DTHD1: variants seen among roughly 807,000 people sequenced by gnomAD.
DTHD1 encodes death domain containing 1.
DTHD1 carries 59 observed loss-of-function variants against 74.8 expected under a neutral mutation model. The observed-to-expected ratio is 0.79, with a 90% CI of 0.64 to 0.98. The LOEUF (loss-of-function observed/expected upper bound fraction) is 0.98, where lower values mean the gene tolerates loss of function less well. DTHD1 is among the 50% of genes least tolerant of loss of function. The pLI is 0.00. For synonymous variants in DTHD1, 365 were observed against 371.1 expected (o/e 0.98, Z 0.19); for missense variants, 1,051 against 1,065.4 (o/e 0.99, Z 0.19).
chr4:36,288,525 G>T (rs746278972), intron 2 of DTHD1, among the ~76,000 whole-genome samples: 18 of 152,262 alleles, frequency 1.2e-4, no homozygotes, highest in Non-Finnish European at 1.9e-4. Context: ...TTCCACATGT[G>T]GCTTGCCAAT....
chr4:36,288,875 C>T (rs1755884632), intron 2 of DTHD1, among the ~76,000 whole-genome samples: 1 of 152,166 alleles, frequency 6.6e-6, no homozygotes, highest in Non-Finnish European at 1.5e-5. Context: ...TTATACAACG[C>T]TGGGTCACTG....
rs757663144 is a variant in DTHD1, at chr4:36,314,768, TTTG to T, written c.2096-1473_2096-1471del. On this transcript the variant is annotated intron_variant, in intron 7 of 9. Coordinates refer to ENST00000639862, the MANE Select transcript of DTHD1 (RefSeq NM_001170700.3). ...CTGAGTTTTTTTTTTTTTTTTTTTT[TTTG>T]CATGCAAATTCCAAATAGTGGAAGA... Among the ~76,000 whole-genome samples, 334 of 91,070 alleles carry T rather than the reference TTTG, an allele frequency of 3.7e-3. 1 individual carries two copies. Among genetic ancestry groups the T allele is most frequent in the South Asian group, 7.5e-3 (23 of 3,070 alleles). The allele number at this position is 91,070 out of a possible 152,430, so 59.7% of individuals were successfully genotyped here.
chr4:36,303,122 A>G (rs1479494363), intron 5 of DTHD1, among the ~76,000 whole-genome samples: 1 of 152,240 alleles, frequency 6.6e-6, no homozygotes, highest in East Asian at 1.9e-4. Flanking sequence ...CATTTAAAAA[A>G]TAAATCTTTA....
In DTHD1 at chr4:36,281,908, G is replaced by A. The variant is rs1755419575; in HGVS notation, c.150G>A (p.Leu50=). 2.3e-6 allele frequency: 3 copies of A among 1,300,588 alleles called. No homozygotes were observed. Among genetic ancestry groups the A allele is most frequent in the Non-Finnish European group, 2.9e-6 (3 of 1,018,824 alleles). The allele number at this position is 1,300,588 out of a possible 1,614,324, so 80.6% of individuals were successfully genotyped here. Residue 50 remains leucine, a synonymous_variant, in exon 1 of 10, where the codon CTG becomes CTA. Coordinates refer to ENST00000639862, the MANE Select transcript of DTHD1 (RefSeq NM_001170700.3). ...CTTGGATGGCCACTGTGGTCTTTCTGGGTCAGGAACTCAGCAGTGCCCTTC... is the reference window on the plus strand; with the variant it reads ...CTTGGATGGCCACTGTGGTCTTTCTAGGTCAGGAACTCAGCAGTGCCCTTC... The part of the protein sequence containing the change: ...GATWMATVVF[L]GQELSSALHQ...
intron 5 of DTHD1, among the ~76,000 whole-genome samples, chr4:36,304,990 T>C (rs546001816): frequency 6.6e-6 from 1 of 152,278 alleles, no homozygotes; most frequent in African/African-American, 2.4e-5. Flanking sequence ...CTGTTGGAAA[T>C]TGGTATACTG....
At chr4:36,338,958 T>C (rs970768406) in intron 8 of DTHD1, among the ~76,000 whole-genome samples, 154 bp from the exon 9 acceptor site, 1 of 152,230 alleles carries the variant, frequency 6.6e-6, no homozygotes, top group Non-Finnish European at 1.5e-5. Flanking sequence ...AAACAATTGC[T>C]GAGCATGCAT....
intron 8 of DTHD1, among the ~76,000 whole-genome samples, chr4:36,331,278 C>G (rs1275087292): frequency 6.6e-6 from 1 of 151,952 alleles, no homozygotes; most frequent in Admixed American, 6.6e-5. Flanking sequence ...TAATGTATGA[C>G]TCATACAATT....
chr4:36,329,449 C>T (rs1316631697), intron 8 of DTHD1, among the ~76,000 whole-genome samples: 2 of 152,186 alleles, frequency 1.3e-5, no homozygotes, highest in Non-Finnish European at 2.9e-5. Flanking sequence ...GACAGCCGTT[C>T]CTTGAGCAGG....
intron 9 of DTHD1, among the ~76,000 whole-genome samples, chr4:36,340,898 T>C (rs905261291): frequency 4.6e-5 from 7 of 151,598 alleles, no homozygotes; most frequent in African/African-American, 1.5e-4. Flanking sequence ...GGGAAAAGAA[T>C]ATTGGAAGGA....
intron 8 of DTHD1, among the ~76,000 whole-genome samples, chr4:36,324,232 C>T (rs1447741922): frequency 6.6e-6 from 1 of 151,440 alleles, no homozygotes; most frequent in Non-Finnish European, 1.5e-5. Flanking sequence ...CTTCTTTTTC[C>T]TGTCCCTTCT....
At chr4:36,298,231 A>G (rs1490293956) in intron 5 of DTHD1, among the ~76,000 whole-genome samples, 2 of 152,020 alleles carry the variant, frequency 1.3e-5, no homozygotes, top group African/African-American at 4.8e-5. Context: ...CATCCTTTGT[A>G]CACATCCCAC....
chr4:36,290,725 T>A, intron 3 of DTHD1, 22 bp downstream of exon 3: 1 of 1,507,972 alleles, frequency 6.6e-7, no homozygotes, highest in Non-Finnish European at 8.9e-7. Flanking sequence ...CTTGGCTATA[T>A]CTACATTTGC....
intron 8 of DTHD1, among the ~76,000 whole-genome samples, chr4:36,317,907 G>A (rs754677968): frequency 6.6e-6 from 1 of 152,162 alleles, no homozygotes; most frequent in African/African-American, 2.4e-5. Flanking sequence ...TTCAGACAGT[G>A]GAAATGAAGA....
intron 5 of DTHD1, among the ~76,000 whole-genome samples, chr4:36,297,721 T>C (rs1052143315): frequency 6.6e-6 from 1 of 152,092 alleles, no homozygotes; most frequent in East Asian, 1.9e-4. Flanking sequence ...TGTCTGGGAA[T>C]AGATATTAAA....
intron 5 of DTHD1, among the ~76,000 whole-genome samples, chr4:36,304,495 A>C (rs1366618769): frequency 1.3e-5 from 2 of 152,250 alleles, no homozygotes; most frequent in East Asian, 3.9e-4. Context: ...GTCATAGGAC[A>C]GGTCAACCTG....
Position 36,293,541 on chromosome 4 carries a change from G to C in DTHD1, c.1234G>C (p.Val412Leu), listed in dbSNP as rs898541301. 125 of 1,543,100 alleles carry C rather than the reference G, an allele frequency of 8.1e-5. 2 individuals are homozygous for C. The highest frequency in any genetic ancestry group is 9.5e-5 in the Non-Finnish European group (109 of 1,141,754). The change falls in exon 4 of 10, where the codon GTA becomes CTA. Residue 412 changes from valine to leucine, a missense_variant. Transcript: ENST00000639862. ...KGGYKGTCASVKVYKLGIFSV... is the reference protein window; with the variant it reads ...KGGYKGTCASLKVYKLGIFSV... ...TTCTATACAGGGGACCTGTGCTTCA[G>C]TAAAAGTTTACAAATTGGGTATCTT...
At chr4:36,286,237 C>T (rs1578432627) in intron 2 of DTHD1, among the ~76,000 whole-genome samples, 1 of 152,178 alleles carries the variant, frequency 6.6e-6, no homozygotes, top group Non-Finnish European at 1.5e-5. Flanking sequence ...TTGAGAAAAA[C>T]ATTGAAGCTC....
intron 8 of DTHD1, among the ~76,000 whole-genome samples, chr4:36,319,178 T>G (rs1196879487): frequency 2.0e-5 from 3 of 152,226 alleles, no homozygotes; most frequent in Non-Finnish European, 2.9e-5. Flanking sequence ...TTCCTTTGCT[T>G]CTTTAAAAAG....
chr4:36,316,570 CACAT>C (rs1435559066), intron 8 of DTHD1, 84 bp downstream of exon 8: 5 of 1,329,896 alleles, frequency 3.8e-6, no homozygotes, highest in Non-Finnish European at 4.0e-6. Context: ...GTCATAGAGA[CACAT>C]ACAGTTAAAA....
Sources: allele counts gnomAD v4.1 joint callset (sites outside exome capture counted in the v4.1 genomes callset), GRCh38; gene constraint gnomAD v4.1.1; transcripts MANE v1.5; gene names NCBI Gene and HGNC (gene_info 2026-07-23, HGNC 2026-07-21).